NEK10: variants seen among roughly 807,000 people sequenced by gnomAD.
NEK10 encodes NIMA related kinase 10, also known as serine/threonine-protein kinase Nek10.
Under a neutral mutation model 159.8 loss-of-function variants are expected in NEK10, and 122 were observed. That is an observed-to-expected ratio of 0.76 (90% confidence interval 0.66 to 0.89). NEK10 has a LOEUF of 0.89. NEK10 is among the 40% of genes least tolerant of loss of function. The probability of loss-of-function intolerance (pLI) is 0.00; values close to 1 mark genes in which losing one functional copy is unlikely to be tolerated. For synonymous variants in NEK10, 466 were observed against 457.1 expected, an observed-to-expected ratio of 1.02 and a Z score of -0.25; for missense variants, 1,342 against 1,323.1, an observed-to-expected ratio of 1.01 and a Z score of -0.22.
At chr3:27,251,265 C>T (rs997574269) in intron 23 of NEK10, among the ~76,000 whole-genome samples, 2 of 152,152 alleles carry the variant, frequency 1.3e-5, no homozygotes, top group Admixed American at 6.5e-5. Context: ...TCTGTCAATA[C>T]CATGGTCTTT....
At chr3:27,124,945 T>C (rs73141407) in intron 32 of NEK10, among the ~76,000 whole-genome samples, 2,892 of 152,212 alleles carry the variant, frequency 0.019, 94 homozygotes, top group African/African-American at 0.066. Context: ...GCATTCAGCT[T>C]ATAGTTGTAC....
chr3:27,120,118 C>T (rs1056509731), intron 32 of NEK10, among the ~76,000 whole-genome samples: 24 of 151,958 alleles, frequency 1.6e-4, no homozygotes, highest in African/African-American at 5.8e-4. Context: ...TACTTTATGG[C>T]CTTATGAGAG....
At chr3:27,206,461 G>A (rs1260386072) in intron 23 of NEK10, 1 of 307,840 alleles carries the variant, frequency 3.2e-6, no homozygotes, top group Non-Finnish European at 4.7e-6. Flanking sequence ...AGGTAAGGTG[G>A]CAAGTTGCAA....
intron 22 of NEK10, among the ~76,000 whole-genome samples, chr3:27,275,738 CT>C (rs967316469): frequency 6.6e-6 from 1 of 151,958 alleles, no homozygotes; most frequent in Non-Finnish European, 1.5e-5. Flanking sequence ...AATACTAACT[CT>C]TTTTTTTATA....
chr3:27,239,879 T>A (rs1161540595), intron 23 of NEK10, among the ~76,000 whole-genome samples: 6 of 152,202 alleles, frequency 3.9e-5, no homozygotes, highest in African/African-American at 1.4e-4. Flanking sequence ...GATTTTTTTT[T>A]ATTTTCTGGC....
chr3:27,265,115 G>T (rs151323285), intron 22 of NEK10, among the ~76,000 whole-genome samples: 59 of 152,124 alleles, frequency 3.9e-4, no homozygotes, highest in African/African-American at 1.3e-3. Flanking sequence ...ACCAAAAAAA[G>T]CTGTAGCTAA....
At chr3:27,278,870 A>G (rs930948082) in intron 22 of NEK10, 2 of 984,262 alleles carry the variant, frequency 2.0e-6, no homozygotes, top group Non-Finnish European at 2.4e-6. Context: ...GGCAAGTGAC[A>G]GTATTTAGGG....
chr3:27,138,016 T>C (rs1423144852), intron 31 of NEK10, among the ~76,000 whole-genome samples: 4 of 152,222 alleles, frequency 2.6e-5, no homozygotes, highest in Non-Finnish European at 5.9e-5. Flanking sequence ...AGCAGGATGC[T>C]AAGCTCTATC....
chr3:27,278,604 G>T, intron 22 of NEK10: 1 of 679,978 alleles, frequency 1.5e-6, no homozygotes, highest in Non-Finnish European at 1.8e-6. Context: ...TTTGCAAGAT[G>T]AACATGTGAC....
chr3:27,116,271 T>A (rs1940411915), intron 33 of NEK10, 144 bp from the exon 34 acceptor site: 1 of 721,070 alleles, frequency 1.4e-6, no homozygotes, highest in Non-Finnish European at 2.3e-6. Context: ...CCAAAGCATC[T>A]GCCTTGGCTT....
At chr3:27,330,191 C>T (rs1039544259) in intron 5 of NEK10, among the ~76,000 whole-genome samples, 4 of 151,732 alleles carry the variant, frequency 2.6e-5, no homozygotes, top group African/African-American at 9.7e-5. Context: ...CCTAAAATAC[C>T]CTAGATAATA....
chr3:27,304,199 A>G (rs1327474897), intron 12 of NEK10, among the ~76,000 whole-genome samples: 1 of 152,212 alleles, frequency 6.6e-6, no homozygotes, highest in Non-Finnish European at 1.5e-5. Flanking sequence ...TAGAGAGAAA[A>G]GTAGAGAACT....
In NEK10 at chr3:27,177,476, C is replaced by T. The variant is rs184734978; in HGVS notation, c.2506-2643G>A. On this transcript the variant is annotated intron_variant, in intron 26 of 35. Coordinates refer to ENST00000691995, the MANE Select transcript of NEK10 (RefSeq NM_001394966.1). ...AGGAGAATGGCATGATCCCAGGAGG[C>T]GGAGCTTGCAGTGAGCCGAGATTGT... 2.5e-3 allele frequency among the ~76,000 whole-genome samples: 383 copies of T among 151,846 alleles called. 1 individual carries two copies. Among genetic ancestry groups the T allele is most frequent in the African/African-American group, 3.7e-3 (155 of 41,412 alleles).
At chr3:27,282,742 CTG>C (rs1386316456) in intron 22 of NEK10, among the ~76,000 whole-genome samples, 1 of 142,872 alleles carries the variant, frequency 7.0e-6, no homozygotes, top group Non-Finnish European at 1.5e-5. Flanking sequence ...ATATACATAA[CTG>C]TGTTATATAT....
At chr3:27,173,546 A>C (rs1423157540) in intron 28 of NEK10, among the ~76,000 whole-genome samples, 1 of 152,222 alleles carries the variant, frequency 6.6e-6, no homozygotes, top group African/African-American at 2.4e-5. Context: ...TGGAACATCT[A>C]ATCATCATTT....
At chr3:27,257,114 C>T (rs754973163) in intron 22 of NEK10, among the ~76,000 whole-genome samples, 2 of 152,074 alleles carry the variant, frequency 1.3e-5, no homozygotes, top group Non-Finnish European at 2.9e-5. Flanking sequence ...CGTGGTTTTA[C>T]CACGTTGGCC....
chr3:27,114,954 G>GCA (rs1940173108), intron 35 of NEK10, among the ~76,000 whole-genome samples: 1 of 152,136 alleles, frequency 6.6e-6, no homozygotes, highest in Non-Finnish European at 1.5e-5. Flanking sequence ...CCACTTCAAA[G>GCA]CACGCTGGCA....
intron 31 of NEK10, among the ~76,000 whole-genome samples, chr3:27,136,011 A>G (rs2125545179): frequency 6.6e-6 from 1 of 152,046 alleles, no homozygotes; most frequent in East Asian, 1.9e-4. Flanking sequence ...ATTCTGAACT[A>G]CATTTTTTTC....
At chr3:27,300,889 A>G (rs536832152) in intron 13 of NEK10, among the ~76,000 whole-genome samples, 1 of 152,314 alleles carries the variant, frequency 6.6e-6, no homozygotes, top group South Asian at 2.1e-4. Context: ...TTTTCACACC[A>G]TCTATGAAGA....
Sources: allele counts gnomAD v4.1 joint callset (sites outside exome capture counted in the v4.1 genomes callset), GRCh38; gene constraint gnomAD v4.1.1; transcripts MANE v1.5; gene names NCBI Gene and HGNC (gene_info 2026-07-23, HGNC 2026-07-21).